Variants in SYNPR observed in about 807,000 individuals in gnomAD.
SYNPR encodes the protein synaptoporin.
SYNPR carries 23 observed loss-of-function variants against 32.9 expected under a neutral mutation model. The observed-to-expected ratio is 0.70, with a 90% confidence interval of 0.50 to 0.99. SYNPR has a LOEUF of 0.99. Among genes scored for constraint, SYNPR ranks in the 50% least tolerant of loss-of-function variants. The pLI is 0.00. For missense variants in SYNPR, 318 were observed against 349.3 expected, an observed-to-expected ratio of 0.91 and a Z score of 0.71; for synonymous variants, 146 against 135.9, an observed-to-expected ratio of 1.07 and a Z score of -0.52.
intron 3 of SYNPR, among the ~76,000 whole-genome samples, chr3:63,505,337 A>C (rs550120742): frequency 6.6e-6 from 1 of 152,320 alleles, no homozygotes; most frequent in Non-Finnish European, 1.5e-5. Context: ...AAATTTTGGA[A>C]TGAGGTTTTA....
At chr3:63,383,381 A>G (rs2087998043) in intron 2 of SYNPR, among the ~76,000 whole-genome samples, 1 of 152,216 alleles carries the variant, frequency 6.6e-6, no homozygotes, top group African/African-American at 2.4e-5. Flanking sequence ...TATTAAGCAG[A>G]CAAGTCACTC....
intron 2 of SYNPR, among the ~76,000 whole-genome samples, chr3:63,466,684 CCAAGCTGAAGGTGCTGG>C (rs1190822317): frequency 2.0e-5 from 3 of 148,564 alleles, no homozygotes; most frequent in Admixed American, 6.7e-5. Context: ...CACTGGGAAT[CCAAGCTGAAGGTGCTGG>C]CAAGCTGAAG....
intron 1 of SYNPR, among the ~76,000 whole-genome samples, chr3:63,245,790 G>C (rs2086283430): frequency 6.7e-6 from 1 of 148,786 alleles, no homozygotes; most frequent in Non-Finnish European, 1.5e-5. Flanking sequence ...AAGAACATTA[G>C]CACCCTCTTC....
intron 2 of SYNPR, chr3:63,289,313 G>A (rs190589084): frequency 6.6e-6 from 1 of 152,366 alleles, no homozygotes; most frequent in East Asian, 1.9e-4. Context: ...TTGCTGTAGA[G>A]GAATACATGA....
intron 2 of SYNPR, among the ~76,000 whole-genome samples, chr3:63,323,965 G>T (rs866970994): frequency 1.3e-5 from 2 of 152,082 alleles, no homozygotes; most frequent in African/African-American, 4.8e-5. Context: ...ATAAGTAGCA[G>T]AGTCAGCATT....
chr3:63,541,314 C>A (rs1702298454), intron 3 of SYNPR, among the ~76,000 whole-genome samples: 1 of 151,752 alleles, frequency 6.6e-6, no homozygotes, highest in Non-Finnish European at 1.5e-5. Context: ...AGACATTCCT[C>A]TAATTGCACA....
chr3:63,547,246 TCTCTCTATTCC>T (rs1702423715), intron 3 of SYNPR, among the ~76,000 whole-genome samples: 2 of 152,136 alleles, frequency 1.3e-5, no homozygotes, highest in South Asian at 4.2e-4. Context: ...TCAGATCTAC[TCTCTCTATTCC>T]CCCTTTGCAA....
intron 3 of SYNPR, among the ~76,000 whole-genome samples, chr3:63,533,382 G>A (rs1702143198): frequency 6.6e-6 from 1 of 152,156 alleles, no homozygotes; most frequent in Admixed American, 6.5e-5. Context: ...GAATTTAGGA[G>A]TGAGCCTTTT....
At chr3:63,401,422 C>T (rs1467771016) in intron 2 of SYNPR, among the ~76,000 whole-genome samples, 1 of 152,162 alleles carries the variant, frequency 6.6e-6, no homozygotes, top group Non-Finnish European at 1.5e-5. Context: ...CCAAATAGAA[C>T]TGTATAAGGC....
intron 2 of SYNPR, among the ~76,000 whole-genome samples, chr3:63,382,600 C>A (rs1297406187): frequency 6.6e-6 from 1 of 152,178 alleles, no homozygotes; most frequent in African/African-American, 2.4e-5. Flanking sequence ...TTTCCATCTC[C>A]ATATCTGAGA....
chr3:63,224,910 T>G (rs2086117681), upstream of SYNPR, among the ~76,000 whole-genome samples: 1 of 152,192 alleles, frequency 6.6e-6, no homozygotes, highest in South Asian at 2.1e-4. Context: ...CTTGTGCTCA[T>G]TGTGTAACAG....
chr3:63,385,817 C>T (rs1354228986), intron 2 of SYNPR, among the ~76,000 whole-genome samples: 3 of 152,164 alleles, frequency 2.0e-5, no homozygotes, highest in Non-Finnish European at 4.4e-5. Flanking sequence ...ATGATGGGGG[C>T]TGTCAACAGC....
intron 3 of SYNPR, among the ~76,000 whole-genome samples, chr3:63,500,509 G>A (rs1575677832): frequency 6.6e-6 from 1 of 152,182 alleles, no homozygotes; most frequent in East Asian, 1.9e-4. Flanking sequence ...AAACCAAAGT[G>A]TGTCAAAATG....
chr3:63,516,607 A>G (rs74676271), intron 3 of SYNPR, among the ~76,000 whole-genome samples: 118 of 152,236 alleles, frequency 7.8e-4, no homozygotes, highest in African/African-American at 2.8e-3. Flanking sequence ...TAGTTTATCA[A>G]ATTAAGCTAT....
At chr3:63,224,198 T>C (rs1476176102), upstream of SYNPR, among the ~76,000 whole-genome samples, 1 of 152,190 alleles carries the variant, frequency 6.6e-6, no homozygotes. Context: ...CGCCTGAGCT[T>C]TGCCTCCTGT....
intron 3 of SYNPR, among the ~76,000 whole-genome samples, chr3:63,515,212 G>A (rs1244042836): frequency 1.3e-5 from 2 of 151,924 alleles, no homozygotes; most frequent in Non-Finnish European, 2.9e-5. Flanking sequence ...ACATCTGCGA[G>A]CTTATGATAT....
intron 2 of SYNPR, among the ~76,000 whole-genome samples, chr3:63,349,108 A>ATTT (rs34982859): frequency 3.4e-5 from 5 of 148,358 alleles, no homozygotes; most frequent in South Asian, 2.1e-4. Context: ...AACAACATTA[A>ATTT]TTTTTTTTTT....
At chr3:63,439,432 T>C (rs894961881) in intron 2 of SYNPR, among the ~76,000 whole-genome samples, 3 of 152,212 alleles carry the variant, frequency 2.0e-5, no homozygotes, top group Non-Finnish European at 4.4e-5. Flanking sequence ...TCAGTTCCAA[T>C]TCTATGATAG....
At chr3:63,433,270 G>A (rs1700023621) in intron 2 of SYNPR, among the ~76,000 whole-genome samples, 1 of 152,168 alleles carries the variant, frequency 6.6e-6, no homozygotes, top group Non-Finnish European at 1.5e-5. Context: ...TGAGATAAGT[G>A]ACATTCTGGA....
Sources: allele counts gnomAD v4.1 joint callset (sites outside exome capture counted in the v4.1 genomes callset), GRCh38; gene constraint gnomAD v4.1.1; transcripts MANE v1.5; gene names NCBI Gene and HGNC (gene_info 2026-07-23, HGNC 2026-07-21).